GSTCD: variants seen among roughly 807,000 people sequenced by gnomAD.
GSTCD encodes glutathione S-transferase C-terminal domain-containing protein.
GSTCD carries 44 observed loss-of-function variants against 68.3 expected under a neutral mutation model. The observed-to-expected ratio is 0.64, with a 90% CI of 0.51 to 0.83. GSTCD has a LOEUF of 0.83. GSTCD is among the 40% of genes least tolerant of loss of function. GSTCD has a pLI of 0.00. For missense variants in GSTCD, 739 were observed against 735.9 expected (o/e 1.00, Z -0.05); for synonymous variants, 273 against 255.2 (o/e 1.07, Z -0.67).
At chr4:105,731,746 A>C (rs1488916748) in intron 5 of GSTCD, among the ~76,000 whole-genome samples, 1 of 152,210 alleles carries the variant, frequency 6.6e-6, no homozygotes, top group Non-Finnish European at 1.5e-5. Flanking sequence ...AGGAGTGATG[A>C]GAGAGGGCAT....
chr4:105,815,427 T>G (rs1401864891), intron 5 of GSTCD: 1 of 152,136 alleles, frequency 6.6e-6, no homozygotes, highest in African/African-American at 2.4e-5. Context: ...TATTTTAATA[T>G]AGTATTAATA....
chr4:105,818,604 A>G lies in GSTCD; in HGVS notation c.1241-4350A>G, dbSNP rs1485107534. On this transcript the variant is annotated intron_variant, in intron 5 of 11. Coordinates refer to ENST00000515279, the MANE Select transcript of GSTCD (RefSeq NM_001370181.1). ...AAGGCAGAGAGGAGCCTATAAAGGTATTTGAGCAAAGGAGAGATACTTTAA... is the reference window on the plus strand; with the variant it reads ...AAGGCAGAGAGGAGCCTATAAAGGTGTTTGAGCAAAGGAGAGATACTTTAA... Among the ~76,000 whole-genome samples the G allele has an allele frequency of 2.0e-5, 3 of 151,796 alleles. No individual in the cohort carries two copies. In the East Asian group the frequency reaches 5.8e-4, roughly 29 times the overall value.
intron 5 of GSTCD, among the ~76,000 whole-genome samples, chr4:105,822,297 T>C (rs1037055014): frequency 1.3e-5 from 2 of 152,038 alleles, no homozygotes; most frequent in African/African-American, 4.8e-5. Context: ...ATTATATTTC[T>C]GTCTGACTCA....
chr4:105,811,475 T>C (rs1438047453), intron 5 of GSTCD, among the ~76,000 whole-genome samples: 1 of 133,128 alleles, frequency 7.5e-6, no homozygotes, highest in Non-Finnish European at 1.5e-5. Flanking sequence ...AACCAGATGA[T>C]GAAGTCTCAA....
At chr4:105,825,559 G>GCTCT (rs1170460763) in intron 7 of GSTCD, 113 bp from the exon 8 acceptor site, 5 of 592,986 alleles carry the variant, frequency 8.4e-6, no homozygotes, top group Non-Finnish European at 1.5e-5. Context: ...ACAGAATAGA[G>GCTCT]GCTCAATATA....
At chr4:105,781,963 T>G (rs1256840214) in intron 5 of GSTCD, among the ~76,000 whole-genome samples, 2 of 152,156 alleles carry the variant, frequency 1.3e-5, no homozygotes, top group Non-Finnish European at 2.9e-5. Flanking sequence ...GAGACTCTTT[T>G]CCTAGCAGGA....
chr4:105,721,120 C>T (rs576475344), intron 3 of GSTCD, among the ~76,000 whole-genome samples: 4 of 151,966 alleles, frequency 2.6e-5, no homozygotes, highest in South Asian at 2.1e-4. Flanking sequence ...TATAGGTGCA[C>T]GCCACCATGC....
chr4:105,834,412 C>G (rs777630950), intron 8 of GSTCD, 49 bp from the exon 9 acceptor site: 10 of 1,585,378 alleles, frequency 6.3e-6, no homozygotes, highest in Non-Finnish European at 7.8e-6. Flanking sequence ...AAAAATTGCA[C>G]TGTGAGTTAA....
At chr4:105,760,988 CT>C in intron 5 of GSTCD, 4 of 321,748 alleles carry the variant, frequency 1.2e-5, no homozygotes, top group Non-Finnish European at 1.7e-5. Context: ...TCTCATTATC[CT>C]TTTTTAATTT....
intron 5 of GSTCD, among the ~76,000 whole-genome samples, chr4:105,744,882 A>C (rs1306640224): frequency 2.4e-5 from 2 of 83,282 alleles, no homozygotes; most frequent in African/African-American, 5.1e-5. Context: ...GTATGTATAG[A>C]TCTATTAGGA....
At chr4:105,722,071 G>GA in intron 3 of GSTCD, among the ~76,000 whole-genome samples, 1 of 152,094 alleles carries the variant, frequency 6.6e-6, no homozygotes, top group East Asian at 1.9e-4. Context: ...CTATAAGACA[G>GA]AAAGTTGCAT....
At chr4:105,734,654 T>G (rs1233873555) in intron 5 of GSTCD, among the ~76,000 whole-genome samples, 2 of 152,204 alleles carry the variant, frequency 1.3e-5, no homozygotes, top group Non-Finnish European at 2.9e-5. Flanking sequence ...AGAAGTTTGA[T>G]TGTCTGAAGC....
At chr4:105,771,968 G>A (rs945264149) in intron 5 of GSTCD, among the ~76,000 whole-genome samples, 1 of 152,102 alleles carries the variant, frequency 6.6e-6, no homozygotes, top group Non-Finnish European at 1.5e-5. Context: ...GGGCAGTATG[G>A]CCATTTTCAC....
chr4:105,734,874 CTGTT>C (rs1389353115), intron 5 of GSTCD, among the ~76,000 whole-genome samples: 1 of 152,092 alleles, frequency 6.6e-6, no homozygotes, highest in Non-Finnish European at 1.5e-5. Flanking sequence ...GATGTCCTGT[CTGTT>C]TGTTAGTTTT....
Position 105,719,305 on chromosome 4 carries a change from G to C in GSTCD, c.672G>C (p.Gln224His), listed in dbSNP as rs145276245. Residue 224 changes from glutamine to histidine, a missense_variant, in exon 3 of 12, where the codon CAG becomes CAC. Transcript: ENST00000515279. ...KGKAKSKVHT[Q>H]ETSEGLDSSS... Reference sequence around the variant, plus strand: ...AGGCAAAGAGCAAGGTCCACACACAGGAAACATCTGAAGGGTTGGATTCTT... The same window carrying C: ...AGGCAAAGAGCAAGGTCCACACACACGAAACATCTGAAGGGTTGGATTCTT... 9 of 1,613,988 alleles carry C rather than the reference G, an allele frequency of 5.6e-6. No individual in the cohort carries two copies. The African/African-American group carries it at 1.1e-4, about 19-fold the overall frequency.
chr4:105,843,434 A>G (rs1327534775), intron 11 of GSTCD: 2 of 152,228 alleles, frequency 1.3e-5, no homozygotes, highest in Non-Finnish European at 2.9e-5. Context: ...TTGCACTGCT[A>G]TAACACAATA....
At chr4:105,794,427 A>G (rs553206731) in intron 5 of GSTCD, among the ~76,000 whole-genome samples, 6 of 152,144 alleles carry the variant, frequency 3.9e-5, no homozygotes, top group Middle Eastern at 3.4e-3. Context: ...TGATGTGTCA[A>G]TGTAGGTTCA....
chr4:105,735,152 T>G (rs925311195), intron 5 of GSTCD, among the ~76,000 whole-genome samples: 1 of 152,194 alleles, frequency 6.6e-6, no homozygotes, highest in Admixed American at 6.5e-5. Context: ...GGAGGCAATC[T>G]GTCAGTTCTC....
At chr4:105,777,034 A>G (rs1278322594) in intron 5 of GSTCD, among the ~76,000 whole-genome samples, 1 of 152,166 alleles carries the variant, frequency 6.6e-6, no homozygotes, top group African/African-American at 2.4e-5. Context: ...CCCTAATCAC[A>G]TTGAGCATCT....
Sources: allele counts gnomAD v4.1 joint callset (sites outside exome capture counted in the v4.1 genomes callset), GRCh38; gene constraint gnomAD v4.1.1; transcripts MANE v1.5; gene names NCBI Gene and HGNC (gene_info 2026-07-23, HGNC 2026-07-21).